APP: variants seen among roughly 807,000 people sequenced by gnomAD.
APP encodes the protein amyloid beta precursor protein.
APP carries 31 observed loss-of-function variants against 101.4 expected under a neutral mutation model. That is an observed-to-expected ratio of 0.31 (90% CI 0.23 to 0.41). The LOEUF (loss-of-function observed/expected upper bound fraction) is 0.41. APP is among the 10% of genes least tolerant of loss of function. The pLI, the probability that APP is intolerant of heterozygous loss-of-function variation, is 1.00. For missense variants in APP, 839 were observed against 1,003.7 expected (o/e 0.84, Z 2.22); for synonymous variants, 366 against 364.4 (o/e 1.00, Z -0.05).
intron 6 of APP, among the ~76,000 whole-genome samples, chr21:26,019,784 G>A (rs995812380): frequency 1.3e-5 from 2 of 152,188 alleles, no homozygotes; most frequent in Non-Finnish European, 2.9e-5. Flanking sequence ...TTTAGGTTTC[G>A]AGAAGAGAAG....
intron 5 of APP, among the ~76,000 whole-genome samples, chr21:26,043,013 T>C (rs934087922): frequency 1.3e-5 from 2 of 152,178 alleles, no homozygotes; most frequent in Admixed American, 1.3e-4. Flanking sequence ...TGACATTTTG[T>C]ACCTCTGCAT....
At chr21:26,129,260 T>C (rs970187858) in intron 1 of APP, among the ~76,000 whole-genome samples, 1 of 151,898 alleles carries the variant, frequency 6.6e-6, no homozygotes, top group African/African-American at 2.4e-5. Flanking sequence ...ATCATGAGGT[T>C]AGGAGTTCAA....
At chr21:26,092,801 C>T (rs1224314187) in intron 2 of APP, among the ~76,000 whole-genome samples, 1 of 152,168 alleles carries the variant, frequency 6.6e-6, no homozygotes, top group Admixed American at 6.5e-5. Flanking sequence ...TGGGAAACCT[C>T]TGTACCTTCC....
At chr21:25,966,626 G>C (rs1012639341) in intron 11 of APP, among the ~76,000 whole-genome samples, 6 of 152,160 alleles carry the variant, frequency 3.9e-5, no homozygotes, top group Non-Finnish European at 5.9e-5. Flanking sequence ...TTGAGGTACA[G>C]ATGTCCCATA....
At chr21:26,141,904 C>G (rs1039116148) in intron 1 of APP, among the ~76,000 whole-genome samples, 2 of 152,152 alleles carry the variant, frequency 1.3e-5, no homozygotes, top group Admixed American at 1.3e-4. Flanking sequence ...TGTGGAAGGC[C>G]CTCAACCTGC....
At chr21:26,024,046 G>A (rs925085181) in intron 5 of APP, among the ~76,000 whole-genome samples, 4 of 152,186 alleles carry the variant, frequency 2.6e-5, no homozygotes, top group African/African-American at 9.7e-5. Context: ...AGGCCTATTA[G>A]GAAATCCTTG....
intron 5 of APP, among the ~76,000 whole-genome samples, chr21:26,042,478 T>A (rs2045416154): frequency 6.6e-6 from 1 of 152,258 alleles, no homozygotes; most frequent in South Asian, 2.1e-4. Context: ...GGTTATTATT[T>A]TCTGAGAAAA....
At chr21:25,996,702 A>T (rs2146663197) in intron 8 of APP, among the ~76,000 whole-genome samples, 1 of 152,334 alleles carries the variant, frequency 6.6e-6, no homozygotes, top group Non-Finnish European at 1.5e-5. Context: ...ATTCTCCCTC[A>T]TCAGGAGATC....
intron 2 of APP, among the ~76,000 whole-genome samples, chr21:26,104,991 C>T (rs534005850): frequency 6.7e-6 from 1 of 149,942 alleles, no homozygotes; most frequent in Admixed American, 6.6e-5. Context: ...AATTCATCCA[C>T]CACTATTGGG....
chr21:25,999,238 G>A (rs568228940), intron 7 of APP, among the ~76,000 whole-genome samples: 32 of 152,268 alleles, frequency 2.1e-4, no homozygotes, highest in African/African-American at 7.0e-4. Context: ...GTTGCAGTGA[G>A]CCAAGATCAC....
chr21:26,160,783 C>T (rs188510250), intron 1 of APP, among the ~76,000 whole-genome samples: 1 of 152,210 alleles, frequency 6.6e-6, no homozygotes. Flanking sequence ...TGTCTAGGCA[C>T]CCTCTATTGA....
chr21:25,892,199 T>C (rs1270726353), intron 16 of APP, among the ~76,000 whole-genome samples: 4 of 152,098 alleles, frequency 2.6e-5, no homozygotes, highest in Non-Finnish European at 4.4e-5. Flanking sequence ...CTGAAACCCT[T>C]TGACAGGTGG....
rs536052457 is a variant in APP at position 25,893,994 on chromosome 21, ATT to A, written c.2065-2128_2065-2127del. ...TTTGTTTTTGAAGCCAAGACTGACC[ATT>A]GTAAAAGTCCTAGGGCGCTTAAGAA... On this transcript the variant is annotated intron_variant, in intron 16 of 17. Coordinates refer to ENST00000346798, the MANE Select transcript of APP (RefSeq NM_000484.4). 3.0e-4 allele frequency among the ~76,000 whole-genome samples: 46 copies of A among 152,324 alleles called. 1 individual carries two copies. In the East Asian group the frequency reaches 8.9e-3, roughly 29 times the overall value.
At position 26,060,033 on chromosome 21, in the gene APP, C is replaced by A. The variant is rs535645466; in HGVS notation, c.356-6685G>T. 2.0e-5 allele frequency among the ~76,000 whole-genome samples: 3 copies of A among 151,776 alleles called. No homozygotes were observed. The South Asian group carries it at 6.3e-4, about 32-fold the overall frequency. The stretch of plus-strand genomic sequence containing the variant: ...ATCCCTAAAGTACTCAACTAGTGCC[C>A]AGAACAAAGTTGCTCAATAAATTAT... On this transcript the variant is annotated intron_variant, in intron 3 of 17. Coordinates refer to ENST00000346798, the MANE Select transcript of APP (RefSeq NM_000484.4).
chr21:26,120,437 G>T (rs1354017069), intron 1 of APP, among the ~76,000 whole-genome samples: 2 of 152,038 alleles, frequency 1.3e-5, no homozygotes, highest in Non-Finnish European at 2.9e-5. Context: ...TTACAGAACT[G>T]GTCACCATGC....
chr21:26,099,179 A>C (rs1386280706), intron 2 of APP, among the ~76,000 whole-genome samples: 2 of 152,176 alleles, frequency 1.3e-5, no homozygotes, highest in Non-Finnish European at 2.9e-5. Context: ...AAAAAAAAAA[A>C]AACCCAGATC....
intron 6 of APP, among the ~76,000 whole-genome samples, chr21:26,017,588 A>G (rs1247018221): frequency 1.2e-5 from 1 of 86,272 alleles, no homozygotes; most frequent in Non-Finnish European, 2.3e-5. Context: ...GCAGGGGTAC[A>G]ACGAATAGTT....
At chr21:26,155,766 C>T (rs1279504331) in intron 1 of APP, among the ~76,000 whole-genome samples, 3 of 152,042 alleles carry the variant, frequency 2.0e-5, no homozygotes, top group African/African-American at 4.8e-5. Context: ...GAGGCCGAGA[C>T]GGGTGGATCA....
chr21:26,014,985 C>T (rs1199314093), intron 6 of APP, among the ~76,000 whole-genome samples: 1 of 152,152 alleles, frequency 6.6e-6, no homozygotes, highest in Non-Finnish European at 1.5e-5. Context: ...GCATCTAATA[C>T]TATCTTATCC....
Sources: allele counts gnomAD v4.1 joint callset (sites outside exome capture counted in the v4.1 genomes callset), GRCh38; gene constraint gnomAD v4.1.1; transcripts MANE v1.5; gene names NCBI Gene and HGNC (gene_info 2026-07-23, HGNC 2026-07-21).